Variants in NAXD observed in about 807,000 individuals in gnomAD.
NAXD encodes the protein NAD(P)HX dehydratase.
In NAXD, 22 loss-of-function variants were observed where a neutral mutation model predicts 35.8. The ratio of observed to expected loss-of-function variants is 0.62; its 90% CI spans 0.44 to 0.88. The LOEUF is 0.88. Among genes scored for constraint, NAXD ranks in the 40% least tolerant of loss-of-function variants. The pLI, the probability that NAXD is intolerant of heterozygous loss-of-function variation, is 0.00. For synonymous variants in NAXD, 189 were observed against 177.6 expected, an observed-to-expected ratio of 1.06 and a Z score of -0.51; for missense variants, 428 against 437.7, an observed-to-expected ratio of 0.98 and a Z score of 0.20.
Position 110,637,071 on chromosome 13 carries a change from C to T in NAXD, c.719-58C>T, listed in dbSNP as rs565496908. 6.5e-6 allele frequency: 10 copies of T among 1,547,274 alleles called. No individual in the cohort carries two copies. In the South Asian group the frequency reaches 1.1e-4, roughly 17 times the overall value. ...GTGCGGCCTTCCACACCCGTGGCTA[C>T]TGTCACATTCACACACATGGCCATG... On this transcript the variant is annotated intron_variant, in intron 8 of 9. Transcript: ENST00000680254.
rs914020495 is a variant in NAXD, at chr13:110,628,458, C to G, written c.441+911C>G. Among the ~76,000 whole-genome samples, 2 of 152,200 alleles carry G rather than the reference C, an allele frequency of 1.3e-5. No homozygotes were observed. The highest frequency in any genetic ancestry group is 2.4e-5 in the African/African-American group (1 of 41,440). Reference sequence around the variant, plus strand: ...CCTGGCCATTTTGTGTTCCCCAGATCAGCAGTCACCCTGAAAATGCCAGCC... The same window carrying G: ...CCTGGCCATTTTGTGTTCCCCAGATGAGCAGTCACCCTGAAAATGCCAGCC... On this transcript the variant is annotated intron_variant, in intron 5 of 9. Transcript: ENST00000680254. This position sits in a 1 kb window ranked among gnomAD's most constrained non-coding sequence, Gnocchi z 4.1.
chr13:110,616,036 A>AC (rs1886038886), intron 1 of NAXD: 1 of 374,722 alleles, frequency 2.7e-6, no homozygotes, highest in Non-Finnish European at 4.7e-6. Flanking sequence ...TGGCCGGGGA[A>AC]CGGGGGGCCG....
At position 110,632,107 on chromosome 13, in the gene NAXD, T is replaced by C. The variant is rs911367190; in HGVS notation, c.442-2438T>C. 3.7e-5 allele frequency among the ~76,000 whole-genome samples: 5 copies of C among 136,394 alleles called. 2 individuals are homozygous for C. Among genetic ancestry groups the C allele is most frequent in the Admixed American group, 3.3e-4 (4 of 12,100 alleles). 89.5% of individuals were successfully genotyped at this position (136,394 alleles called of 152,430 possible). On this transcript the variant is annotated intron_variant, in intron 5 of 9. Transcript: ENST00000680254. ...AGCTCTTAAGGTGGCGCGTCTGGAG[T>C]CTGTTCCTTCTGATGTTCAGATGTG...
In NAXD at chr13:110,638,867, C is replaced by T. The variant is rs532152152; in HGVS notation, c.*339C>T. 22 of 420,594 alleles carry T rather than the reference C, an allele frequency of 5.2e-5. No individual in the cohort carries two copies. The highest frequency in any genetic ancestry group is 3.9e-4 in the African/African-American group (19 of 49,226). 26.1% of individuals were successfully genotyped at this position (420,594 alleles called of 1,614,324 possible). ...AGAGTTTCTCGGCCTGCTCCCAGAT[C>T]GGCGAAGTTTCTACTTGTTACTCTC... On this transcript the variant is annotated 3_prime_UTR_variant, in exon 10 of 10. Coordinates refer to ENST00000680254, the MANE Select transcript of NAXD (RefSeq NM_001242882.2). The surrounding 1 kb of genome is among the most constrained non-coding windows in gnomAD (Gnocchi z 5.4).
chr13:110,622,258 A>G lies in NAXD; in HGVS notation c.89A>G (p.Lys30Arg). ...TCGCTACGTAAAGCACATTCGATAAAGGATATGGAAAATACTTTGCAGCTG... is the reference window on the plus strand; with the variant it reads ...TCGCTACGTAAAGCACATTCGATAAGGGATATGGAAAATACTTTGCAGCTG... ...AFSLRKAHSI[K>R]DMENTLQLVR... The change falls in exon 2 of 10, where the codon AAG (lysine) becomes AGG (arginine). Residue 30 changes from lysine (K) to arginine (R), a missense_variant. By Grantham distance (26) the Lys-to-Arg change is conservative. Transcript: ENST00000680254. The G allele has an allele frequency of 6.2e-7, 1 of 1,614,112 alleles. No individual in the cohort carries two copies. Among genetic ancestry groups the G allele is most frequent in the Non-Finnish European group, 8.5e-7 (1 of 1,180,002 alleles).
Position 110,618,930 on chromosome 13 carries a change from G to C in NAXD, c.46+3283G>C, listed in dbSNP as rs534535209. Reference sequence around the variant, plus strand: ...GGAAGCTTTTCCGCTCTGGGGAGCAGATGCGGAGAGGACAAGCACTTGGAA... The same window carrying C: ...GGAAGCTTTTCCGCTCTGGGGAGCACATGCGGAGAGGACAAGCACTTGGAA... On this transcript the variant is annotated intron_variant, in intron 1 of 9. Transcript: ENST00000680254. Among the ~76,000 whole-genome samples, 184 of 152,344 alleles carry C rather than the reference G, an allele frequency of 1.2e-3. 1 individual carries two copies. Among genetic ancestry groups the C allele is most frequent in the African/African-American group, 4.3e-3 (178 of 41,572 alleles).
intron 5 of NAXD, among the ~76,000 whole-genome samples, chr13:110,630,760 T>A (rs1008061685): frequency 1.3e-5 from 2 of 152,306 alleles, no homozygotes; most frequent in East Asian, 3.9e-4. Context: ...CAGCACCATG[T>A]GCTGGAGAGA....
In NAXD at chr13:110,628,282, C is replaced by T. The variant is rs904111924; in HGVS notation, c.441+735C>T. ...CCCTCTGAGACCCTTTCTCAAGTTC[C>T]GGGGGACCCCTGTTAGAGCTCCTGG... is the stretch of plus-strand genomic sequence containing the variant. On this transcript the variant is annotated intron_variant, in intron 5 of 9. Transcript: ENST00000680254. This position sits in a 1 kb window ranked among gnomAD's most constrained non-coding sequence, Gnocchi z 4.1. Among the ~76,000 whole-genome samples the T allele has an allele frequency of 1.5e-4, 23 of 152,234 alleles. No individual in the cohort carries two copies. The highest frequency in any genetic ancestry group is 1.0e-3 in the South Asian group (5 of 4,824).
intron 1 of NAXD, among the ~76,000 whole-genome samples, chr13:110,619,760 A>G (rs894654826): frequency 1.3e-5 from 2 of 152,098 alleles, no homozygotes; most frequent in African/African-American, 4.8e-5. Flanking sequence ...TGCATAGAAC[A>G]GCTCCCCACG....
chr13:110,630,682 G>A (rs1348343690), intron 5 of NAXD, among the ~76,000 whole-genome samples: 1 of 152,098 alleles, frequency 6.6e-6, no homozygotes, highest in Non-Finnish European at 1.5e-5. Flanking sequence ...GGTGCATGTC[G>A]AGCTGATGCT....
At chr13:110,621,072 C>A (rs1177377402) in intron 1 of NAXD, among the ~76,000 whole-genome samples, 1 of 152,158 alleles carries the variant, frequency 6.6e-6, no homozygotes, top group Non-Finnish European at 1.5e-5. Flanking sequence ...GATGAAAATA[C>A]ATTAAATGCC....
chr13:110,619,407 A>G (rs761914496), intron 1 of NAXD, among the ~76,000 whole-genome samples: 11 of 152,162 alleles, frequency 7.2e-5, no homozygotes, highest in Non-Finnish European at 1.6e-4. Flanking sequence ...TTTATGAAGT[A>G]TTACCATTTA....
At position 110,634,615 on chromosome 13, in the gene NAXD, C is replaced by G. The variant is rs757928322; in HGVS notation, c.492+20C>G. 2 of 1,614,180 alleles carry G rather than the reference C, an allele frequency of 1.2e-6. No individual in the cohort carries two copies. Among genetic ancestry groups the G allele is most frequent in the African/African-American group, 2.7e-5 (2 of 75,052 alleles). ...GACGCGGTGAGTTGACTTCTCTCCT[C>G]CTGGCTCGGACTCCCGGAAGGCCTG... On this transcript the variant is annotated intron_variant, in intron 6 of 9. Coordinates refer to ENST00000680254, the MANE Select transcript of NAXD (RefSeq NM_001242882.2).
intron 2 of NAXD, among the ~76,000 whole-genome samples, chr13:110,622,867 C>T (rs901697915): frequency 1.3e-5 from 2 of 152,144 alleles, no homozygotes; most frequent in Non-Finnish European, 2.9e-5. Flanking sequence ...GAAAGCCTGC[C>T]GTGGCTCCTC....
intron 5 of NAXD, 89 bp downstream of exon 5, chr13:110,627,636 A>G (rs1886542673): frequency 1.1e-6 from 1 of 886,796 alleles, no homozygotes. Context: ...CATTTTGTGT[A>G]GTGTTCCGTG....
chr13:110,619,865 C>T (rs142204367), intron 1 of NAXD, among the ~76,000 whole-genome samples: 153 of 152,258 alleles, frequency 1.0e-3, no homozygotes, highest in African/African-American at 3.6e-3. Flanking sequence ...GTGGCATAAT[C>T]TTGGCTCACT....
chr13:110,617,704 C>CAAAAAT (rs1469566709), intron 1 of NAXD, among the ~76,000 whole-genome samples: 1 of 152,180 alleles, frequency 6.6e-6, no homozygotes, highest in Non-Finnish European at 1.5e-5. Context: ...TGTGTGCCCA[C>CAAAAAT]AAAAATAAAA....
chr13:110,623,389 C>T (rs1886338980), intron 2 of NAXD, among the ~76,000 whole-genome samples: 1 of 152,176 alleles, frequency 6.6e-6, no homozygotes, highest in South Asian at 2.1e-4. Context: ...CCTTTCTGTG[C>T]CTGAAGTGCC....
At position 110,637,110 on chromosome 13, in the gene NAXD, T is replaced by C; in HGVS notation, c.719-19T>C. 6.3e-7 allele frequency: 1 copy of C among 1,589,910 alleles called. No individual in the cohort carries two copies. Among genetic ancestry groups the C allele is most frequent in the Non-Finnish European group, 8.5e-7 (1 of 1,171,312 alleles). On this transcript the variant is annotated intron_variant, in intron 8 of 9. Transcript: ENST00000680254. ...CACATGGCCATGCTGACACCTGCTC[T>C]CACTTCTGCCCTGTGCAGTGCTTGT...
Sources: allele counts gnomAD v4.1 joint callset (sites outside exome capture counted in the v4.1 genomes callset), GRCh38; gene constraint gnomAD v4.1.1; non-coding constraint Gnocchi (gnomAD v3.1); transcripts MANE v1.5; gene names NCBI Gene and HGNC (gene_info 2026-07-23, HGNC 2026-07-21).